MSRA: variants seen among roughly 807,000 people sequenced by gnomAD.
MSRA encodes methionine sulfoxide reductase A.
MSRA carries 54 observed loss-of-function variants against 31.3 expected under a neutral mutation model. The ratio of observed to expected loss-of-function variants is 1.73; its 90% CI spans 1.39 to 2.17. The LOEUF is 2.17. Among genes scored for constraint, MSRA ranks in the 30% most tolerant of loss-of-function variants. MSRA has a pLI of 0.00. For missense variants in MSRA, 507 were observed against 300.9 expected (o/e 1.69, Z -5.07); for synonymous variants, 169 against 116.5 (o/e 1.45, Z -2.90).
At chr8:10,228,315 GC>G (rs1359030389) in intron 2 of MSRA, among the ~76,000 whole-genome samples, 1 of 152,190 alleles carries the variant, frequency 6.6e-6, no homozygotes, top group Non-Finnish European at 1.5e-5. Flanking sequence ...GTGGAGAGGA[GC>G]ACCTTGGAAA....
intron 5 of MSRA, among the ~76,000 whole-genome samples, chr8:10,389,688 C>T: frequency 6.6e-6 from 1 of 151,124 alleles, no homozygotes; most frequent in South Asian, 2.1e-4. Flanking sequence ...CCAGTCCTGC[C>T]TTCATGGGCC....
At chr8:10,255,574 G>C (rs1411200642) in intron 3 of MSRA, among the ~76,000 whole-genome samples, 1 of 152,086 alleles carries the variant, frequency 6.6e-6, no homozygotes, top group Non-Finnish European at 1.5e-5. Context: ...GGAAGGATGG[G>C]TTGACAAAAA....
chr8:10,273,755 C>T (rs962125080), intron 3 of MSRA, among the ~76,000 whole-genome samples: 3 of 152,070 alleles, frequency 2.0e-5, no homozygotes, highest in Non-Finnish European at 4.4e-5. Flanking sequence ...CAACTGAAGT[C>T]GATAAATACA....
chr8:10,122,140 G>A lies in MSRA; in HGVS notation c.142+67482G>A, dbSNP rs977976087. 3.9e-5 allele frequency among the ~76,000 whole-genome samples: 6 copies of A among 152,236 alleles called. No homozygotes were observed. In the East Asian group the frequency reaches 1.2e-3, roughly 30 times the overall value. On this transcript the variant is annotated intron_variant, in intron 1 of 5. Coordinates refer to ENST00000317173, the MANE Select transcript of MSRA (RefSeq NM_012331.5). Reference sequence around the variant, plus strand: ...AAGGGTCTGCAGAGCTACCCAGCATGCTGCTGGTGTTGTTGTAACCAAGCA... The same window carrying A: ...AAGGGTCTGCAGAGCTACCCAGCATACTGCTGGTGTTGTTGTAACCAAGCA...
chr8:10,369,555 C>A (rs1319647773), intron 5 of MSRA, among the ~76,000 whole-genome samples: 1 of 152,146 alleles, frequency 6.6e-6, no homozygotes, highest in African/African-American at 2.4e-5. Context: ...TGTGGTGCTT[C>A]ATGCATTAAA....
chr8:10,425,462 G>C (rs962881064), intron 5 of MSRA, among the ~76,000 whole-genome samples: 2 of 152,254 alleles, frequency 1.3e-5, no homozygotes, highest in African/African-American at 4.8e-5. Context: ...AGGGGAGGTG[G>C]GCAGTGGCGC....
At chr8:10,239,242 A>G (rs566458824) in intron 2 of MSRA, among the ~76,000 whole-genome samples, 10 of 152,090 alleles carry the variant, frequency 6.6e-5, no homozygotes, top group African/African-American at 2.4e-4. Flanking sequence ...GCTTATTGCA[A>G]CCTCTGCCTC....
intron 1 of MSRA, among the ~76,000 whole-genome samples, chr8:10,098,531 G>A (rs1204100318): frequency 1.3e-5 from 2 of 152,066 alleles, no homozygotes; most frequent in African/African-American, 4.8e-5. Context: ...TTTGGGTAAC[G>A]GGGATGGAAG....
intron 5 of MSRA, among the ~76,000 whole-genome samples, chr8:10,328,027 ATTTT>A (rs35940076): frequency 4.6e-5 from 3 of 65,310 alleles, no homozygotes; most frequent in Admixed American, 1.9e-4. Flanking sequence ...CTCTATGGTA[ATTTT>A]TTTTTTTTTT....
chr8:10,355,703 T>A (rs1427244566), intron 5 of MSRA, among the ~76,000 whole-genome samples: 1 of 152,114 alleles, frequency 6.6e-6, no homozygotes, highest in East Asian at 1.9e-4. Flanking sequence ...CTTTCCTGGG[T>A]GCCCTTGGAA....
chr8:10,383,603 T>C (rs939499098), intron 5 of MSRA, among the ~76,000 whole-genome samples: 1 of 152,212 alleles, frequency 6.6e-6, no homozygotes, highest in African/African-American at 2.4e-5. Context: ...TAAAAATGTT[T>C]TGGAAACCAT....
intron 1 of MSRA, among the ~76,000 whole-genome samples, chr8:10,175,549 C>T (rs1253992146): frequency 1.2e-4 from 19 of 152,216 alleles, no homozygotes; most frequent in Admixed American, 1.0e-3. Context: ...AAAATACCCT[C>T]ACTTTGGGTA....
intron 5 of MSRA, among the ~76,000 whole-genome samples, chr8:10,325,559 T>G (rs773035647): frequency 1.3e-5 from 2 of 152,230 alleles, no homozygotes; most frequent in African/African-American, 4.8e-5. Context: ...GAGGCCCTTT[T>G]AAGTTTTGAA....
At chr8:10,055,234 C>T (rs1047953427) in intron 1 of MSRA, among the ~76,000 whole-genome samples, 1 of 152,218 alleles carries the variant, frequency 6.6e-6, no homozygotes, top group Admixed American at 6.5e-5. Context: ...GCAGGGGCTG[C>T]CGTATGCTGG....
At chr8:10,123,012 T>C (rs1053572002) in intron 1 of MSRA, among the ~76,000 whole-genome samples, 5 of 152,220 alleles carry the variant, frequency 3.3e-5, no homozygotes, top group African/African-American at 1.2e-4. Context: ...TGTGTCTATA[T>C]AGGAGAATGA....
chr8:10,343,020 T>TACACACAC (rs572591443), intron 5 of MSRA, among the ~76,000 whole-genome samples: 25 of 132,726 alleles, frequency 1.9e-4, no homozygotes, highest in African/African-American at 5.9e-4. Context: ...GCATAAGCAT[T>TACACACAC]ACACACACAC....
intron 1 of MSRA, among the ~76,000 whole-genome samples, chr8:10,186,650 G>A (rs1807080984): frequency 6.6e-6 from 1 of 152,074 alleles, no homozygotes; most frequent in Admixed American, 6.5e-5. Flanking sequence ...TCCTGAAAGC[G>A]CATACAATTT....
At chr8:10,260,645 G>C (rs975531357) in intron 3 of MSRA, among the ~76,000 whole-genome samples, 2 of 152,136 alleles carry the variant, frequency 1.3e-5, no homozygotes, top group South Asian at 4.1e-4. Flanking sequence ...GGCAGAGGTA[G>C]ACACAGGTGC....
intron 5 of MSRA, among the ~76,000 whole-genome samples, chr8:10,324,515 C>T (rs1802251283): frequency 6.6e-6 from 1 of 152,184 alleles, no homozygotes; most frequent in African/African-American, 2.4e-5. Context: ...TGCCTGGAGA[C>T]CACAGCATGA....
Sources: gnomAD v4.1 joint callset for allele counts (sites outside exome capture counted in the v4.1 genomes callset) on GRCh38, gnomAD v4.1.1 for gene constraint, MANE v1.5 for transcripts, NCBI Gene and HGNC (gene_info 2026-07-23, HGNC 2026-07-21) for gene names.